The following GNG7 variants were observed in gnomAD, a reference collection of about 807,000 sequenced individuals.
GNG7 encodes guanine nucleotide-binding protein G(I)/G(S)/G(O) subunit gamma-7.
In GNG7, 1 loss-of-function variant was observed where a neutral mutation model predicts 4.0. The observed-to-expected ratio is 0.25, with a 90% CI of 0.09 to 1.18. The LOEUF is 1.18. Ranked by LOEUF, GNG7 falls within the 50% of genes most tolerant of loss-of-function variation. The pLI, the probability that GNG7 is intolerant of heterozygous loss-of-function variation, is 0.50. For missense variants in GNG7, 86 were observed against 91.9 expected (o/e 0.94, Z 0.26); for synonymous variants, 34 against 36.9 (o/e 0.92, Z 0.29).
intron 1 of GNG7, among the ~76,000 whole-genome samples, chr19:2,669,055 C>G (rs1056576388): frequency 4.6e-5 from 7 of 152,148 alleles, no homozygotes; most frequent in African/African-American, 1.7e-4. Flanking sequence ...GGGAAACACA[C>G]TGAAACGAGG....
intron 2 of GNG7, among the ~76,000 whole-genome samples, chr19:2,587,586 A>T (rs577464726): frequency 6.7e-4 from 102 of 152,258 alleles, no homozygotes; most frequent in Non-Finnish European, 1.2e-3. Context: ...AACGGCCACA[A>T]ACGGGCTTCA....
chr19:2,634,141 A>C lies in GNG7; in HGVS notation c.-78+12083T>G, dbSNP rs1328166845. 6.6e-6 allele frequency among the ~76,000 whole-genome samples: 1 copy of C among 152,150 alleles called. No homozygotes were observed. On this transcript the variant is annotated intron_variant, in intron 2 of 4. Transcript: ENST00000382159. This position sits in a 1 kb window ranked among gnomAD's most constrained non-coding sequence, Gnocchi z 5.3. ...CCTCCTGGTTTACACCGTCTGCCCCACTGGGCGTTTATGGTGCCTATCATG... is the reference window on the plus strand; with the variant it reads ...CCTCCTGGTTTACACCGTCTGCCCCCCTGGGCGTTTATGGTGCCTATCATG...
At chr19:2,642,818 A>C (rs1568271860) in intron 2 of GNG7, 1 of 456,782 alleles carries the variant, frequency 2.2e-6, no homozygotes, top group Non-Finnish European at 4.4e-6. Flanking sequence ...GAAGAAGCCC[A>C]ACACCAAACC....
chr19:2,515,402 A>G (rs1429312332), intron 4 of GNG7, among the ~76,000 whole-genome samples: 3 of 151,156 alleles, frequency 2.0e-5, no homozygotes, highest in Non-Finnish European at 4.4e-5. Flanking sequence ...CCAGACACAG[A>G]AGGCCACACA....
intron 3 of GNG7, among the ~76,000 whole-genome samples, chr19:2,524,057 C>T (rs1318051527): frequency 6.6e-6 from 1 of 152,190 alleles, no homozygotes; most frequent in Non-Finnish European, 1.5e-5. Context: ...TTACTCAGTG[C>T]TAAAAATACG....
intron 3 of GNG7, among the ~76,000 whole-genome samples, chr19:2,522,599 C>G (rs1978315668): frequency 6.6e-6 from 1 of 151,216 alleles, no homozygotes; most frequent in African/African-American, 2.4e-5. Flanking sequence ...ACGGTGAAAC[C>G]CCGTCTCCCG....
chr19:2,603,282 A>G (rs1429306189), intron 2 of GNG7, among the ~76,000 whole-genome samples: 16 of 152,052 alleles, frequency 1.1e-4, no homozygotes, highest in African/African-American at 3.1e-4. Flanking sequence ...AGCCAGGGTG[A>G]TCTCGATCTC....
At position 2,612,511 on chromosome 19, in the gene GNG7, C is replaced by A. The variant is rs535542859; in HGVS notation, c.-78+33713G>T. ...AGTGAGAAGACTGAAGCCAGGACCC[C>A]CCCCAGGCAGGACCCAGGCTCCCAC... On this transcript the variant is annotated intron_variant, in intron 2 of 4. Transcript: ENST00000382159. Among the ~76,000 whole-genome samples, 6 of 152,162 alleles carry A rather than the reference C, an allele frequency of 3.9e-5. No homozygotes were observed. In the South Asian group the frequency reaches 1.0e-3, roughly 26 times the overall value.
chr19:2,620,320 G>A (rs1981835595), intron 2 of GNG7, among the ~76,000 whole-genome samples: 2 of 149,846 alleles, frequency 1.3e-5, no homozygotes, highest in South Asian at 4.2e-4. Context: ...CCTGGCTACA[G>A]GCCGTCGTCC....
chr19:2,566,714 G>A (rs1979920679), intron 2 of GNG7, among the ~76,000 whole-genome samples: 3 of 152,164 alleles, frequency 2.0e-5, no homozygotes, highest in African/African-American at 4.8e-5. Context: ...GGTCTCTGTT[G>A]CAACTGCTCG....
intron 1 of GNG7, among the ~76,000 whole-genome samples, chr19:2,669,267 A>G (rs1360415168): frequency 6.6e-6 from 1 of 152,050 alleles, no homozygotes; most frequent in African/African-American, 2.4e-5. Context: ...TAAGGCGGGC[A>G]GATCACGAGG....
chr19:2,599,944 A>G (rs1303458357), intron 2 of GNG7, among the ~76,000 whole-genome samples: 1 of 152,062 alleles, frequency 6.6e-6, no homozygotes, highest in African/African-American at 2.4e-5. Context: ...CTCAAAAAAA[A>G]AAAAAAATTA....
At chr19:2,586,141 C>G (rs749267195) in intron 2 of GNG7, among the ~76,000 whole-genome samples, 5 of 152,176 alleles carry the variant, frequency 3.3e-5, no homozygotes, top group East Asian at 3.8e-4. Context: ...ACTCTCACCC[C>G]CTTTGTAGAC....
At chr19:2,564,474 G>A (rs540549537) in intron 2 of GNG7, among the ~76,000 whole-genome samples, 1 of 152,202 alleles carries the variant, frequency 6.6e-6, no homozygotes, top group South Asian at 2.1e-4. Flanking sequence ...CTCGGGAGGC[G>A]GAGGCACGAG....
In GNG7 at chr19:2,657,352, AAAAAAAAAAATATATATATAT is replaced by A. The variant is rs1390245872; in HGVS notation, c.-134-11093_-134-11073del. On this transcript the variant is annotated intron_variant, in intron 1 of 4. Transcript: ENST00000382159. ...CCGTCTCAATTAAAAAAAAAAAAAA[AAAAAAAAAAATATATATATAT>A]ATATATATATATATATATATATATA... 6.9e-3 allele frequency among the ~76,000 whole-genome samples: 160 copies of A among 23,342 alleles called. 5 individuals are homozygous for A. Among genetic ancestry groups the A allele is most frequent in the African/African-American group, 0.016 (157 of 10,084 alleles). The allele number at this position is 23,342 out of a possible 152,430, so 15.3% of individuals were successfully genotyped here.
intron 1 of GNG7, among the ~76,000 whole-genome samples, chr19:2,699,871 C>T (rs16991299): frequency 0.011 from 1,672 of 152,234 alleles, 39 homozygotes; most frequent in African/African-American, 0.038. Context: ...AAATTTCAAG[C>T]GTATAATCAC....
chr19:2,578,648 C>G (rs1458880567), intron 2 of GNG7, among the ~76,000 whole-genome samples: 1 of 152,222 alleles, frequency 6.6e-6, no homozygotes, highest in African/African-American at 2.4e-5. Context: ...ACCTCTCCCC[C>G]TCAGCCCTGT....
At chr19:2,625,835 G>A (rs77800746) in intron 2 of GNG7, among the ~76,000 whole-genome samples, 2,170 of 152,108 alleles carry the variant, frequency 0.014, 31 homozygotes, top group Non-Finnish European at 0.024. Context: ...TCACTCTGTC[G>A]CCCAGGCTGG....
In GNG7 at chr19:2,568,371, A is replaced by G. The variant is rs566711333; in HGVS notation, c.-77-13183T>C. On this transcript the variant is annotated intron_variant, in intron 2 of 4. Coordinates refer to ENST00000382159, the MANE Select transcript of GNG7 (RefSeq NM_052847.3). Reference sequence around the variant, plus strand: ...CATACACACACGTGCACATACACACATATAGACACACATATACAACACAAA... The same window carrying G: ...CATACACACACGTGCACATACACACGTATAGACACACATATACAACACAAA... Among the ~76,000 whole-genome samples the G allele has an allele frequency of 5.3e-5, 8 of 151,060 alleles. No individual in the cohort carries two copies. In the East Asian group the frequency reaches 1.2e-3, roughly 22 times the overall value.
Sources: allele counts gnomAD v4.1 joint callset (sites outside exome capture counted in the v4.1 genomes callset), GRCh38; gene constraint gnomAD v4.1.1; non-coding constraint Gnocchi (gnomAD v3.1); transcripts MANE v1.5; gene names NCBI Gene and HGNC (gene_info 2026-07-23, HGNC 2026-07-21).